The following TNNI3K variants were observed in gnomAD, a reference collection of about 807,000 sequenced individuals.
TNNI3K encodes the protein TNNI3 interacting kinase, also known as serine/threonine-protein kinase TNNI3K.
A neutral mutation model predicts 114.5 loss-of-function variants in TNNI3K; 140 were observed. The observed-to-expected ratio is 1.22, with a 90% CI of 1.07 to 1.41. The LOEUF (loss-of-function observed/expected upper bound fraction) is 1.41. Ranked by LOEUF, TNNI3K falls within the 40% of genes most tolerant of loss-of-function variation. The pLI is 0.00. For missense variants in TNNI3K, 1,125 were observed against 1,007.6 expected (o/e 1.12, Z -1.58); for synonymous variants, 347 against 347.5 (o/e 1.00, Z 0.02).
intron 5 of TNNI3K, among the ~76,000 whole-genome samples, chr1:74,316,994 C>A (rs1481624549): frequency 6.6e-6 from 1 of 152,102 alleles, no homozygotes; most frequent in Non-Finnish European, 1.5e-5. Context: ...CCACTGTGCC[C>A]AGCCTCCTTC....
intron 2 of TNNI3K, among the ~76,000 whole-genome samples, chr1:74,241,295 A>T (rs1307456596): frequency 6.6e-6 from 1 of 152,246 alleles, no homozygotes; most frequent in Non-Finnish European, 1.5e-5. Flanking sequence ...GTATATACCC[A>T]GTAATGGGAT....
intron 5 of TNNI3K, among the ~76,000 whole-genome samples, chr1:74,313,061 G>C (rs1321216589): frequency 6.6e-6 from 1 of 152,112 alleles, no homozygotes; most frequent in Non-Finnish European, 1.5e-5. Flanking sequence ...ATTGAGAATG[G>C]CTCACTGTCT....
chr1:74,296,736 T>G (rs1658011996), intron 5 of TNNI3K, among the ~76,000 whole-genome samples: 1 of 152,168 alleles, frequency 6.6e-6, no homozygotes. Context: ...TCTTGCTTGG[T>G]TTTGTTTTCA....
chr1:74,531,026 A>G (rs1288999732), intron 23 of TNNI3K, among the ~76,000 whole-genome samples: 1 of 152,156 alleles, frequency 6.6e-6, no homozygotes, highest in Non-Finnish European at 1.5e-5. Flanking sequence ...TCCTTTAAAA[A>G]TGGGGGAAGC....
intron 20 of TNNI3K, among the ~76,000 whole-genome samples, chr1:74,442,048 C>A (rs1040135868): frequency 6.6e-6 from 1 of 151,854 alleles, no homozygotes; most frequent in Non-Finnish European, 1.5e-5. Context: ...ATAAAAACTT[C>A]CCCCTATTTT....
At chr1:74,301,911 G>C (rs1356247915) in intron 5 of TNNI3K, among the ~76,000 whole-genome samples, 2 of 152,196 alleles carry the variant, frequency 1.3e-5, no homozygotes, top group Non-Finnish European at 2.9e-5. Context: ...ATGTGGAGGA[G>C]AGCCAACATG....
chr1:74,536,683 G>A (rs1453570042), intron 23 of TNNI3K, among the ~76,000 whole-genome samples: 1 of 151,842 alleles, frequency 6.6e-6, no homozygotes, highest in African/African-American at 2.4e-5. Context: ...TACCCATATA[G>A]GAGCTAATAA....
intron 5 of TNNI3K, among the ~76,000 whole-genome samples, chr1:74,293,436 C>G (rs116487470): frequency 6.6e-6 from 1 of 151,518 alleles, no homozygotes; most frequent in African/African-American, 2.4e-5. Flanking sequence ...GTTACTTTTT[C>G]GCTTTTTACA....
At chr1:74,358,493 C>T (rs567610739) in intron 11 of TNNI3K, among the ~76,000 whole-genome samples, 2 of 151,882 alleles carry the variant, frequency 1.3e-5, no homozygotes, top group East Asian at 1.9e-4. Context: ...AGTTTTTAGA[C>T]AGTAAAAAAA....
chr1:74,308,201 C>T (rs547541682), intron 5 of TNNI3K, among the ~76,000 whole-genome samples: 7 of 152,092 alleles, frequency 4.6e-5, no homozygotes, highest in South Asian at 4.2e-4. Context: ...GCCTATCAAC[C>T]GCAGAATATA....
intron 17 of TNNI3K, among the ~76,000 whole-genome samples, chr1:74,425,240 A>G (rs546121781): frequency 6.6e-6 from 1 of 152,216 alleles, no homozygotes; most frequent in South Asian, 2.1e-4. Context: ...TGGAAAGGTG[A>G]GTTTATTGGA....
intron 23 of TNNI3K, among the ~76,000 whole-genome samples, chr1:74,539,744 A>G (rs930470852): frequency 1.3e-5 from 2 of 151,792 alleles, no homozygotes. Flanking sequence ...AAATGATATT[A>G]TATTATATGT....
chr1:74,522,773 T>C (rs1646451737), intron 23 of TNNI3K, among the ~76,000 whole-genome samples: 2 of 152,156 alleles, frequency 1.3e-5, no homozygotes, highest in Admixed American at 1.3e-4. Flanking sequence ...AACTGGTGTA[T>C]TTCTTAGGTT....
rs1442441552 is a variant in TNNI3K, at chr1:74,276,316, G to T, written c.444+4608G>T. 1.3e-5 allele frequency among the ~76,000 whole-genome samples: 2 copies of T among 152,054 alleles called. 1 individual carries two copies. The highest frequency in any genetic ancestry group is 4.8e-5 in the African/African-American group (2 of 41,438). On this transcript the variant is annotated intron_variant, in intron 5 of 24. Transcript: ENST00000326637. ...ATAACAGCTTAAAGTTGTATATTGGGCATAATGGATGGTCATAGGACCGAG... is the reference window on the plus strand; with the variant it reads ...ATAACAGCTTAAAGTTGTATATTGGTCATAATGGATGGTCATAGGACCGAG...
At chr1:74,336,710 A>G (rs4650253) in intron 7 of TNNI3K, among the ~76,000 whole-genome samples, 88,336 of 149,800 alleles carry the variant, frequency 0.59, 29,667 homozygotes, top group East Asian at 0.82. Flanking sequence ...ATAGTATTCC[A>G]TGGTGTATAT....
chr1:74,396,525 C>T (rs545647417), intron 17 of TNNI3K, among the ~76,000 whole-genome samples: 72 of 152,294 alleles, frequency 4.7e-4, no homozygotes, highest in Middle Eastern at 3.4e-3. Flanking sequence ...GAGATAATGT[C>T]AATCATGAAT....
At chr1:74,430,566 C>A (rs1452321051) in intron 17 of TNNI3K, among the ~76,000 whole-genome samples, 5 of 152,104 alleles carry the variant, frequency 3.3e-5, no homozygotes, top group African/African-American at 1.2e-4. Context: ...ATTCACATCG[C>A]TTATTCAGAT....
At chr1:74,402,426 A>G (rs2100593369) in intron 17 of TNNI3K, among the ~76,000 whole-genome samples, 1 of 152,310 alleles carries the variant, frequency 6.6e-6, no homozygotes, top group Non-Finnish European at 1.5e-5. Flanking sequence ...CCATTTGGAG[A>G]AAACTCATTT....
intron 17 of TNNI3K, among the ~76,000 whole-genome samples, chr1:74,387,580 TTTACCATGAGCTTTGG>T (rs1439312565): frequency 1.3e-5 from 2 of 152,136 alleles, no homozygotes; most frequent in Non-Finnish European, 2.9e-5. Context: ...TATAAAGGAA[TTTACCATGAGCTTTGG>T]TCAACAATAC....
Sources: gnomAD v4.1 joint callset for allele counts (sites outside exome capture counted in the v4.1 genomes callset) on GRCh38, gnomAD v4.1.1 for gene constraint, MANE v1.5 for transcripts, NCBI Gene and HGNC (gene_info 2026-07-23, HGNC 2026-07-21) for gene names.